The following GEMIN5 variants were observed in gnomAD, a reference collection of about 807,000 sequenced individuals.
The protein encoded by GEMIN5 is gem nuclear organelle associated protein 5, also known as gem-associated protein 5.
In GEMIN5, 124 loss-of-function variants were observed where a neutral mutation model predicts 176.9. The observed-to-expected ratio is 0.70, with a 90% CI of 0.61 to 0.81. The LOEUF (loss-of-function observed/expected upper bound fraction) is 0.81, where lower values mean the gene tolerates loss of function less well. Ranked by LOEUF, GEMIN5 falls within the 40% of genes least tolerant of loss-of-function variation. The pLI, the probability that GEMIN5 is intolerant of heterozygous loss-of-function variation, is 0.00. For synonymous variants in GEMIN5, 673 were observed against 665.2 expected (o/e 1.01, Z -0.18); for missense variants, 1,843 against 1,814.6 (o/e 1.02, Z -0.28).
chr5:154,927,115 T>C (rs568151856), intron 7 of GEMIN5, among the ~76,000 whole-genome samples: 28 of 151,910 alleles, frequency 1.8e-4, no homozygotes, highest in African/African-American at 6.5e-4. Context: ...GAGCTGTGGG[T>C]TGGACAAGCT....
chr5:154,933,400 TTACAC>T (rs1226339119), intron 3 of GEMIN5, among the ~76,000 whole-genome samples: 1 of 152,234 alleles, frequency 6.6e-6, no homozygotes, highest in Middle Eastern at 3.2e-3. Context: ...TGGCCAGTCA[TTACAC>T]TATTGTATTA....
chr5:154,911,338 C>A (rs1184960564), intron 15 of GEMIN5, among the ~76,000 whole-genome samples: 1 of 152,076 alleles, frequency 6.6e-6, no homozygotes, highest in Non-Finnish European at 1.5e-5. Context: ...ATGGCTAGAT[C>A]CCGTCTCTAC....
In GEMIN5 at chr5:154,918,026, T is replaced by C. The variant is rs374221615; in HGVS notation, c.1600-22A>G. On this transcript the variant is annotated intron_variant, in intron 11 of 27. Coordinates refer to ENST00000285873, the MANE Select transcript of GEMIN5 (RefSeq NM_015465.5). ...TGTACTAGAAAGCAAAACAAACCAATCTTGACTATATACATATCTCACAAA... is the reference window on the plus strand; with the variant it reads ...TGTACTAGAAAGCAAAACAAACCAACCTTGACTATATACATATCTCACAAA... The C allele has an allele frequency of 1.6e-5, 24 of 1,504,074 alleles. No homozygotes were observed. In the South Asian group the frequency reaches 2.7e-4, roughly 17 times the overall value. 93.2% of individuals were successfully genotyped at this position (1,504,074 alleles called of 1,614,324 possible).
chr5:154,894,689 G>A (rs547177215), intron 24 of GEMIN5, among the ~76,000 whole-genome samples: 4 of 152,100 alleles, frequency 2.6e-5, no homozygotes, highest in African/African-American at 9.6e-5. Context: ...GGCAAATCAC[G>A]AGGTCAGGAG....
intron 18 of GEMIN5, among the ~76,000 whole-genome samples, chr5:154,903,932 A>G (rs539609445): frequency 1.3e-5 from 2 of 152,258 alleles, no homozygotes; most frequent in Non-Finnish European, 1.5e-5. Context: ...TTAAGCATCA[A>G]TTTTATTTAT....
At chr5:154,916,878 T>C (rs999333313) in intron 13 of GEMIN5, 120 bp downstream of exon 13, 1 of 493,592 alleles carries the variant, frequency 2.0e-6, no homozygotes, top group African/African-American at 2.0e-5. Context: ...ACAGAAAAAG[T>C]AGTAAGAATA....
At chr5:154,889,740 A>G (rs918086432) in intron 26 of GEMIN5, among the ~76,000 whole-genome samples, 3 of 152,216 alleles carry the variant, frequency 2.0e-5, no homozygotes, top group African/African-American at 4.8e-5. Context: ...AGTAGTTCAT[A>G]TAAGTGGAGT....
intron 24 of GEMIN5, 77 bp downstream of exon 24, chr5:154,896,015 C>T: frequency 1.3e-6 from 2 of 1,526,952 alleles, no homozygotes; most frequent in Non-Finnish European, 8.9e-7. Context: ...CTGCTTGTTT[C>T]CCCGTTACAA....
At chr5:154,937,551 C>T (rs987052888) in intron 1 of GEMIN5, among the ~76,000 whole-genome samples, 4 of 152,170 alleles carry the variant, frequency 2.6e-5, no homozygotes, top group Non-Finnish European at 5.9e-5. Flanking sequence ...TAGTTTGGAG[C>T]CTGAAAGCAT....
intron 5 of GEMIN5, among the ~76,000 whole-genome samples, chr5:154,930,712 T>C (rs1363188343): frequency 6.6e-6 from 1 of 152,100 alleles, no homozygotes; most frequent in East Asian, 1.9e-4. Flanking sequence ...GAGAGTAGAA[T>C]TCTGGAGATG....
rs747175608 is a variant in GEMIN5 at position 154,891,552 on chromosome 5, C to T, written c.3951G>A (p.Gln1317=). The part of the protein sequence containing the change: ...HRTLSVEPSQ[Q]LDTASTEETD... ...TTTCTTCAGTGCTGGCAGTGTCTAA[C>T]TGCTGGCTTGGCTCAACAGAGAGTG... is the stretch of plus-strand genomic sequence containing the variant. The change falls in exon 26 of 28, where the codon CAG becomes CAA. Residue 1317 remains glutamine, a synonymous_variant. Transcript: ENST00000285873. The T allele has an allele frequency of 6.2e-7, 1 of 1,614,196 alleles. No homozygotes were observed. The highest frequency in any genetic ancestry group is 2.2e-5 in the East Asian group (1 of 44,880).
chr5:154,892,426 T>A lies in GEMIN5; in HGVS notation c.3721A>T (p.Thr1241Ser). 6.2e-7 allele frequency: 1 copy of A among 1,614,128 alleles called. No homozygotes were observed. The highest frequency in any genetic ancestry group is 1.6e-4 in the Middle Eastern group (1 of 6,062). Reference sequence around the variant, plus strand: ...GCTGAGTACACTTCCTGCATGATGGTGAAGCTCCCTGAGTCATAGCTCCGG... The same window carrying A: ...GCTGAGTACACTTCCTGCATGATGGAGAAGCTCCCTGAGTCATAGCTCCGG... ...VVRSYDSGSF[T>S]IMQEVYSAFL... The change falls in exon 25 of 28, where the codon ACC (threonine) becomes TCC (serine). Residue 1241 changes from threonine (T) to serine (S), a missense_variant. Physicochemically the swap from Thr to Ser is moderately conservative, Grantham distance 58. Coordinates refer to ENST00000285873, the MANE Select transcript of GEMIN5 (RefSeq NM_015465.5).
At chr5:154,921,475 A>T (rs769529582) in intron 9 of GEMIN5, 50 bp from the exon 10 acceptor site, 3 of 824,512 alleles carry the variant, frequency 3.6e-6, no homozygotes, top group Non-Finnish European at 6.0e-6. Context: ...ACAAAAAGGC[A>T]TAATGAAAAA....
chr5:154,935,189 TG>T (rs1764242460), intron 3 of GEMIN5, among the ~76,000 whole-genome samples: 1 of 152,252 alleles, frequency 6.6e-6, no homozygotes, highest in Non-Finnish European at 1.5e-5. Flanking sequence ...TCTGGCTTCA[TG>T]TATATGCACA....
chr5:154,902,570 C>G lies in GEMIN5; in HGVS notation c.2835G>C (p.Leu945=), dbSNP rs775859122. ...VLQTAAERGE[L]TDNLVAMAPA... The stretch of plus-strand genomic sequence containing the variant: ...GTGCCATAGCCACAAGGTTGTCTGT[C>G]AGCTCCCCTCTTTCTGCTGCAGTCT... Residue 945 remains leucine, a synonymous_variant, in exon 20 of 28, where the codon CTG becomes CTC. Coordinates refer to ENST00000285873, the MANE Select transcript of GEMIN5 (RefSeq NM_015465.5). 2 of 1,614,122 alleles carry G rather than the reference C, an allele frequency of 1.2e-6. No individual in the cohort carries two copies. Among genetic ancestry groups the G allele is most frequent in the East Asian group, 4.5e-5 (2 of 44,886 alleles).
intron 12 of GEMIN5, among the ~76,000 whole-genome samples, chr5:154,917,578 G>A (rs573401087): frequency 3.9e-5 from 6 of 152,144 alleles, no homozygotes; most frequent in Non-Finnish European, 8.8e-5. Flanking sequence ...TTATGACTGT[G>A]TTACTATGAT....
Position 154,899,204 on chromosome 5 carries a change from C to G in GEMIN5, c.3121G>C (p.Val1041Leu). Residue 1041 changes from valine to leucine, a missense_variant, in exon 22 of 28, where the codon GTA (valine) becomes CTA (leucine). Physicochemically the swap from Val to Leu is conservative, Grantham distance 32. Coordinates refer to ENST00000285873, the MANE Select transcript of GEMIN5 (RefSeq NM_015465.5). Reference sequence around the variant, plus strand: ...CCTCAGGCTTACCATTTGGCAGCTACAGCATAGTGGCCATCTCTTTCTAGG... The same window carrying G: ...CCTCAGGCTTACCATTTGGCAGCTAGAGCATAGTGGCCATCTCTTTCTAGG... ...TVLERDGHYA[V>L]AAKCYLGATC... The G allele has an allele frequency of 6.2e-7, 1 of 1,611,382 alleles. No homozygotes were observed. The highest frequency in any genetic ancestry group is 8.5e-7 in the Non-Finnish European group (1 of 1,178,726).
In GEMIN5 at chr5:154,927,458, A is replaced by G. The variant is rs766205684; in HGVS notation, c.1007T>C (p.Ile336Thr). ...TTGTAAAGGACATAAATTAAACACA[A>G]TTCTTGAATGATTTTGCCCTTCTGA... Reference protein sequence around the residue: ...ASSEGQNHSRIVFNLCPLQTE... With the variant: ...ASSEGQNHSRTVFNLCPLQTE... The change falls in exon 7 of 28, where the codon ATT becomes ACT. Residue 336 changes from isoleucine to threonine, a missense_variant. Coordinates refer to ENST00000285873, the MANE Select transcript of GEMIN5 (RefSeq NM_015465.5). The G allele has an allele frequency of 1.2e-6, 2 of 1,602,574 alleles. No individual in the cohort carries two copies. The highest frequency in any genetic ancestry group is 1.7e-6 in the Non-Finnish European group (2 of 1,169,508).
intron 16 of GEMIN5, among the ~76,000 whole-genome samples, chr5:154,906,067 G>T (rs1763561642): frequency 6.6e-6 from 1 of 151,636 alleles, no homozygotes; most frequent in African/African-American, 2.4e-5. Flanking sequence ...TGCAATCACA[G>T]TCACTGAGGC....
Sources: allele counts gnomAD v4.1 joint callset (sites outside exome capture counted in the v4.1 genomes callset), GRCh38; gene constraint gnomAD v4.1.1; transcripts MANE v1.5; gene names NCBI Gene and HGNC (gene_info 2026-07-23, HGNC 2026-07-21).